The following PPM1H variants were observed in gnomAD, a reference collection of about 807,000 sequenced individuals.
PPM1H encodes protein phosphatase 1H.
PPM1H carries 27 observed loss-of-function variants against 54.9 expected under a neutral mutation model. The observed-to-expected ratio is 0.49, with a 90% CI of 0.36 to 0.68. The LOEUF (loss-of-function observed/expected upper bound fraction) is 0.68. PPM1H is among the 30% of genes least tolerant of loss of function. PPM1H has a pLI of 0.00. For synonymous variants in PPM1H, 305 were observed against 270.8 expected, an observed-to-expected ratio of 1.13 and a Z score of -1.24; for missense variants, 596 against 667.8, an observed-to-expected ratio of 0.89 and a Z score of 1.19.
chr12:62,867,010 C>T (rs2120989675), intron 1 of PPM1H, among the ~76,000 whole-genome samples: 2 of 152,140 alleles, frequency 1.3e-5, no homozygotes, highest in South Asian at 4.1e-4. Flanking sequence ...AATGTTTATT[C>T]AAGAAATACC....
chr12:62,680,154 C>G (rs2076010895), intron 8 of PPM1H, among the ~76,000 whole-genome samples: 1 of 152,168 alleles, frequency 6.6e-6, no homozygotes, highest in East Asian at 1.9e-4. Flanking sequence ...ACTTCTTAGG[C>G]TAGGTTTTAA....
At chr12:62,831,732 T>A (rs1480924056) in intron 2 of PPM1H, among the ~76,000 whole-genome samples, 1 of 150,374 alleles carries the variant, frequency 6.7e-6, no homozygotes, top group Non-Finnish European at 1.5e-5. Flanking sequence ...TGTGTGTGAG[T>A]GTGTGTGTAT....
chr12:62,817,116 T>TAAAAAAAAAAAAAAAAAAAAAGAAA (rs1189819660), intron 2 of PPM1H, among the ~76,000 whole-genome samples: 4 of 41,790 alleles, frequency 9.6e-5, no homozygotes, highest in Admixed American at 3.6e-4. Context: ...ACTGCATTAC[T>TAAAAAAAAAAAAAAAAAAAAAGAAA]AAAAAAAAAA....
chr12:62,667,874 T>C (rs899371576), intron 8 of PPM1H, among the ~76,000 whole-genome samples: 10 of 152,212 alleles, frequency 6.6e-5, no homozygotes, highest in Admixed American at 5.2e-4. Flanking sequence ...GACATTCTAT[T>C]TAATGCACTC....
At chr12:62,654,178 AC>A (rs1277525307) in intron 9 of PPM1H, among the ~76,000 whole-genome samples, 1 of 135,698 alleles carries the variant, frequency 7.4e-6, no homozygotes, top group Non-Finnish European at 1.5e-5. Context: ...AGGCTGTGCC[AC>A]TGCACTCCAA....
chr12:62,801,165 A>C (rs1167167419), intron 3 of PPM1H, among the ~76,000 whole-genome samples: 1 of 152,146 alleles, frequency 6.6e-6, no homozygotes. Flanking sequence ...CCAACACCGG[A>C]CTTTATACAC....
intron 8 of PPM1H, among the ~76,000 whole-genome samples, chr12:62,669,826 C>G (rs1042706386): frequency 2.6e-5 from 4 of 151,794 alleles, no homozygotes; most frequent in African/African-American, 9.7e-5. Context: ...GTCATCCCAG[C>G]TACTTGGGAG....
chr12:62,888,725 G>A (rs111695589), intron 1 of PPM1H, among the ~76,000 whole-genome samples: 3 of 152,138 alleles, frequency 2.0e-5, no homozygotes, highest in Non-Finnish European at 2.9e-5. Flanking sequence ...GATAAGGGTC[G>A]GGGAGAGGAG....
At position 62,850,530 on chromosome 12, in the gene PPM1H, A is replaced by C. The variant is rs183018974; in HGVS notation, c.246-18251T>G. On this transcript the variant is annotated intron_variant, in intron 1 of 9. Transcript: ENST00000228705. ...GACTTTTAAACAACTATAGGACAAA[A>C]ATCTAAAGAGGAAAACTGTAAAAAG... Among the ~76,000 whole-genome samples, 279 of 151,654 alleles carry C rather than the reference A, an allele frequency of 1.8e-3. 6 individuals are homozygous for C. In the South Asian group the frequency reaches 0.049, roughly 27 times the overall value.
chr12:62,812,023 T>C (rs1245874773), intron 2 of PPM1H, among the ~76,000 whole-genome samples: 2 of 152,240 alleles, frequency 1.3e-5, no homozygotes, highest in African/African-American at 4.8e-5. Flanking sequence ...GTGGCAGAGA[T>C]AGGATTTGAA....
intron 7 of PPM1H, 130 bp downstream of exon 7, chr12:62,693,806 A>G: frequency 1.3e-6 from 1 of 794,070 alleles, no homozygotes; most frequent in South Asian, 1.8e-5. Context: ...TGGATGGGAT[A>G]TGCTTTCAAG....
intron 5 of PPM1H, among the ~76,000 whole-genome samples, chr12:62,737,009 A>G (rs2076353122): frequency 3.3e-5 from 5 of 152,108 alleles, no homozygotes; most frequent in Admixed American, 2.6e-4. Flanking sequence ...TGACACCTGC[A>G]CCTTTTCCAA....
At chr12:62,840,436 T>C (rs143459712) in intron 1 of PPM1H, among the ~76,000 whole-genome samples, 40 of 152,262 alleles carry the variant, frequency 2.6e-4, no homozygotes, top group African/African-American at 9.4e-4. Flanking sequence ...ATTTAGTCCA[T>C]TGGCCCTTCT....
chr12:62,924,792 A>G (rs1871921072), intron 1 of PPM1H, among the ~76,000 whole-genome samples: 1 of 152,250 alleles, frequency 6.6e-6, no homozygotes, highest in South Asian at 2.1e-4. Context: ...CTGCACTCCC[A>G]GCGCTTTGGG....
At chr12:62,730,700 G>A (rs1397651351) in intron 5 of PPM1H, among the ~76,000 whole-genome samples, 1 of 151,880 alleles carries the variant, frequency 6.6e-6, no homozygotes, top group Non-Finnish European at 1.5e-5. Context: ...GCCCTTAGAA[G>A]GGGAAAATCT....
chr12:62,717,726 CAT>C (rs1005932665), intron 6 of PPM1H, among the ~76,000 whole-genome samples: 5 of 151,864 alleles, frequency 3.3e-5, no homozygotes, highest in East Asian at 1.9e-4. Flanking sequence ...GAGAAAGAAA[CAT>C]AAAAAAACTA....
intron 9 of PPM1H, among the ~76,000 whole-genome samples, chr12:62,651,661 C>G (rs1473831076): frequency 6.6e-6 from 1 of 152,112 alleles, no homozygotes; most frequent in African/African-American, 2.4e-5. Flanking sequence ...CTTCACCATC[C>G]ACTCTGTTTT....
chr12:62,844,917 T>C lies in PPM1H; in HGVS notation c.246-12638A>G, dbSNP rs74797650. 9.3e-3 allele frequency among the ~76,000 whole-genome samples: 1,420 copies of C among 152,314 alleles called. 28 individuals carry two copies. Among genetic ancestry groups the C allele is most frequent in the African/African-American group, 0.033 (1,356 of 41,570 alleles). On this transcript the variant is annotated intron_variant, in intron 1 of 9. Transcript: ENST00000228705. This position sits in a 1 kb window ranked among gnomAD's most constrained non-coding sequence, Gnocchi z 5.2. ...GAAAAAAATTAATTATAAGCACTTC[T>C]ACTAGGAAATGAGCTTGGGAGTAGG...
chr12:62,664,213 G>A (rs2075903765), intron 9 of PPM1H, among the ~76,000 whole-genome samples: 1 of 152,288 alleles, frequency 6.6e-6, no homozygotes, highest in Non-Finnish European at 1.5e-5. Flanking sequence ...TCATGGCATA[G>A]AGGGATAATA....
Sources: allele counts gnomAD v4.1 joint callset (sites outside exome capture counted in the v4.1 genomes callset), GRCh38; gene constraint gnomAD v4.1.1; non-coding constraint Gnocchi (gnomAD v3.1); transcripts MANE v1.5; gene names NCBI Gene and HGNC (gene_info 2026-07-23, HGNC 2026-07-21).